Variants in DMRT1 observed in about 807,000 individuals in gnomAD.
DMRT1 encodes doublesex and mab-3 related transcription factor 1, also known as doublesex- and mab-3-related transcription factor 1.
A neutral mutation model predicts 32.3 loss-of-function variants in DMRT1; 7 were observed. The observed-to-expected ratio is 0.22, with a 90% CI of 0.12 to 0.41. The LOEUF (loss-of-function observed/expected upper bound fraction) is 0.41, where lower values mean the gene tolerates loss of function less well. DMRT1 is among the 10% of genes least tolerant of loss of function. DMRT1 has a pLI of 1.00. For synonymous variants in DMRT1, 278 were observed against 206.1 expected, an observed-to-expected ratio of 1.35 and a Z score of -2.99; for missense variants, 625 against 500.5, an observed-to-expected ratio of 1.25 and a Z score of -2.37.
At chr9:859,260 T>C (rs1272532639) in intron 2 of DMRT1, among the ~76,000 whole-genome samples, 3 of 152,122 alleles carry the variant, frequency 2.0e-5, no homozygotes, top group African/African-American at 4.8e-5. Flanking sequence ...TCTTGGGTAA[T>C]AAGGGGCTCC....
In DMRT1 at chr9:949,811, G is replaced by A. The variant is rs113844270; in HGVS notation, c.968-18174G>A. Among the ~76,000 whole-genome samples the A allele has an allele frequency of 6.0e-3, 910 of 152,326 alleles. 8 individuals are homozygous for A. Among genetic ancestry groups the A allele is most frequent in the African/African-American group, 0.02 (847 of 41,568 alleles). Reference sequence around the variant, plus strand: ...TTCTCATGTAAGTGGAAATCACAGAGTACTTGTCCTTCCGTGTCTGGCTTA... The same window carrying A: ...TTCTCATGTAAGTGGAAATCACAGAATACTTGTCCTTCCGTGTCTGGCTTA... On this transcript the variant is annotated intron_variant, in intron 4 of 4. Coordinates refer to ENST00000382276, the MANE Select transcript of DMRT1 (RefSeq NM_021951.3).
intron 4 of DMRT1, among the ~76,000 whole-genome samples, chr9:924,965 C>G (rs542897503): frequency 1.8e-4 from 27 of 152,306 alleles, no homozygotes; most frequent in African/African-American, 6.3e-4. Context: ...AGCTGTCGGG[C>G]TCCTAACGTG....
intron 2 of DMRT1, among the ~76,000 whole-genome samples, chr9:854,148 G>A (rs1309959740): frequency 2.7e-5 from 4 of 150,112 alleles, no homozygotes; most frequent in African/African-American, 7.4e-5. Context: ...ACAGAGGTTC[G>A]TTCTGTTGCC....
intron 2 of DMRT1, among the ~76,000 whole-genome samples, chr9:872,235 G>A (rs936468605): frequency 2.0e-5 from 3 of 151,524 alleles, no homozygotes; most frequent in African/African-American, 4.9e-5. Context: ...CTAATTTTTT[G>A]TATTTTTAGT....
chr9:957,754 A>C (rs932941305), intron 4 of DMRT1, among the ~76,000 whole-genome samples: 2 of 152,220 alleles, frequency 1.3e-5, no homozygotes, highest in Non-Finnish European at 2.9e-5. Flanking sequence ...TCGCGCCTGT[A>C]ATCCCAGCAC....
intron 2 of DMRT1, among the ~76,000 whole-genome samples, chr9:880,600 C>T (rs1816692408): frequency 6.6e-6 from 1 of 151,810 alleles, no homozygotes; most frequent in Non-Finnish European, 1.5e-5. Context: ...GTGGCGCATG[C>T]CTGTAATCCC....
rs576211699 is a variant in DMRT1 at position 872,282 on chromosome 9, C to T, written c.539-21630C>T. 4.6e-5 allele frequency among the ~76,000 whole-genome samples: 7 copies of T among 152,116 alleles called. No homozygotes were observed. The East Asian group carries it at 9.7e-4, about 21-fold the overall frequency. ...TTCACCATGTTGGCCAGGCTGGTCT[C>T]GAACTCCTGACCTTGTGATCCACCC... On this transcript the variant is annotated intron_variant, in intron 2 of 4. Coordinates refer to ENST00000382276, the MANE Select transcript of DMRT1 (RefSeq NM_021951.3).
chr9:904,891 G>A lies in DMRT1; in HGVS notation c.822+10696G>A, dbSNP rs1041213194. Among the ~76,000 whole-genome samples the A allele has an allele frequency of 7.3e-5, 11 of 149,798 alleles. No homozygotes were observed. In the East Asian group the frequency reaches 2.0e-3, roughly 27 times the overall value. On this transcript the variant is annotated intron_variant, in intron 3 of 4. Transcript: ENST00000382276. ...AGGGAGGCGTAGGTTGCGGTGAGCC[G>A]AGATTGCGCCACTGTACTCCAGCCT...
intron 4 of DMRT1, among the ~76,000 whole-genome samples, chr9:958,326 C>T (rs1461189313): frequency 1.3e-5 from 2 of 152,288 alleles, no homozygotes; most frequent in East Asian, 3.9e-4. Flanking sequence ...TGAGAAATGG[C>T]TTGGGAACTT....
intron 2 of DMRT1, among the ~76,000 whole-genome samples, chr9:858,386 C>T (rs779386626): frequency 1.1e-4 from 16 of 152,286 alleles, no homozygotes; most frequent in Non-Finnish European, 2.4e-4. Context: ...GCTTACTCAG[C>T]AGCATCCCCC....
chr9:881,224 T>C lies in DMRT1; in HGVS notation c.539-12688T>C, dbSNP rs911610804. Among the ~76,000 whole-genome samples, 68 of 152,304 alleles carry C rather than the reference T, an allele frequency of 4.5e-4. 1 individual carries two copies. Among genetic ancestry groups the C allele is most frequent in the Middle Eastern group, 6.8e-3 (2 of 294 alleles). ...CTCCAGTCCTGTACAATTGGATAAG[T>C]CACTGTTCATGACAGCCAGGAAAAT... On this transcript the variant is annotated intron_variant, in intron 2 of 4. Coordinates refer to ENST00000382276, the MANE Select transcript of DMRT1 (RefSeq NM_021951.3).
Position 888,259 on chromosome 9 carries a change from G to T in DMRT1, c.539-5653G>T, listed in dbSNP as rs766554990. On this transcript the variant is annotated intron_variant, in intron 2 of 4. Transcript: ENST00000382276. The stretch of plus-strand genomic sequence containing the variant: ...ACATACAGCTTGGGATCTAAGCTCT[G>T]AGTGATTTAGGTAGAAGCCTAGCTT... Among the ~76,000 whole-genome samples the T allele has an allele frequency of 1.3e-4, 20 of 151,884 alleles. 1 individual carries two copies. The highest frequency in any genetic ancestry group is 7.9e-4 in the Admixed American group (12 of 15,242).
intron 3 of DMRT1, among the ~76,000 whole-genome samples, chr9:897,483 A>G (rs1483060787): frequency 2.0e-5 from 3 of 151,886 alleles, no homozygotes; most frequent in African/African-American, 4.8e-5. Flanking sequence ...AGGAAATGCA[A>G]TGATCTGTGG....
intron 2 of DMRT1, among the ~76,000 whole-genome samples, chr9:878,103 G>A (rs1816578288): frequency 6.6e-6 from 1 of 151,254 alleles, no homozygotes; most frequent in Admixed American, 6.6e-5. Context: ...GGGGGTGGCA[G>A]AAAATACACA....
At chr9:919,737 G>A (rs1818296455) in intron 4 of DMRT1, among the ~76,000 whole-genome samples, 1 of 152,156 alleles carries the variant, frequency 6.6e-6, no homozygotes, top group Non-Finnish European at 1.5e-5. Context: ...GTGGAAGCTG[G>A]GAGACCAGTT....
intron 2 of DMRT1, among the ~76,000 whole-genome samples, chr9:872,119 T>A (rs944760469): frequency 2.0e-5 from 3 of 151,276 alleles, no homozygotes; most frequent in Non-Finnish European, 4.4e-5. Context: ...TGGAGTGCAG[T>A]GGCTTGATTT....
chr9:928,841 TTTA>T (rs1404993580), intron 4 of DMRT1, among the ~76,000 whole-genome samples: 1 of 151,608 alleles, frequency 6.6e-6, no homozygotes, highest in Non-Finnish European at 1.5e-5. Flanking sequence ...TATTTATTTA[TTTA>T]TTTTTATTTA....
intron 2 of DMRT1, among the ~76,000 whole-genome samples, chr9:890,354 G>A (rs1042381608): frequency 1.3e-5 from 2 of 152,174 alleles, no homozygotes; most frequent in Non-Finnish European, 2.9e-5. Context: ...GCATTGGAAT[G>A]TCTCATCTCA....
At chr9:880,364 A>G (rs1816682448) in intron 2 of DMRT1, among the ~76,000 whole-genome samples, 5 of 152,200 alleles carry the variant, frequency 3.3e-5, no homozygotes, top group Admixed American at 3.3e-4. Flanking sequence ...AGCAAAATCA[A>G]CATAACATTT....
Sources: allele counts gnomAD v4.1 joint callset (sites outside exome capture counted in the v4.1 genomes callset), GRCh38; gene constraint gnomAD v4.1.1; transcripts MANE v1.5; gene names NCBI Gene and HGNC (gene_info 2026-07-23, HGNC 2026-07-21).